Variants in MGA observed in about 807,000 individuals in gnomAD.
MGA encodes MAX gene-associated protein.
MGA carries 40 observed loss-of-function variants against 261.1 expected under a neutral mutation model. The ratio of observed to expected loss-of-function variants is 0.15; its 90% CI spans 0.12 to 0.20. The LOEUF (loss-of-function observed/expected upper bound fraction) is 0.20, where lower values mean the gene tolerates loss of function less well. Among genes scored for constraint, MGA ranks in the 10% least tolerant of loss-of-function variants. MGA has a pLI of 1.00. For missense variants in MGA, 3,397 were observed against 3,630.5 expected (o/e 0.94, Z 1.65); for synonymous variants, 1,302 against 1,290.6 (o/e 1.01, Z -0.19).
At chr15:41,670,731 C>T (rs981923140) in intron 2 of MGA, among the ~76,000 whole-genome samples, 3 of 151,884 alleles carry the variant, frequency 2.0e-5, no homozygotes, top group Non-Finnish European at 4.4e-5. Flanking sequence ...TGGTCTCGAT[C>T]TCCTGACCTC....
In MGA at chr15:41,696,878, G is replaced by A; in HGVS notation, c.1868G>A (p.Cys623Tyr). 6.3e-7 allele frequency: 1 copy of A among 1,597,606 alleles called. No individual in the cohort carries two copies. Among genetic ancestry groups the A allele is most frequent in the Non-Finnish European group, 8.5e-7 (1 of 1,171,726 alleles). ...GGAAGGCCACGAAAATTGAAACTCT[G>A]TAAGGCAGGACGACCACCTAAGAAC... The change falls in exon 3 of 24, where the codon TGT (cysteine) becomes TAT (tyrosine). Residue 623 changes from cysteine (C) to tyrosine (Y), a missense_variant. By Grantham distance (194) the Cys-to-Tyr change is radical. Around this residue, in one of 9 missense-constraint regions of MGA, gnomAD observed 563 missense variants for 563.6 expected, o/e 1.00. Coordinates refer to ENST00000219905, the MANE Select transcript of MGA (RefSeq NM_001164273.2).
At position 41,742,604 on chromosome 15, in the gene MGA, C is replaced by G. The variant is rs1409597798; in HGVS notation, c.4644C>G (p.Ala1548=). The change falls in exon 15 of 24, where the codon GCC becomes GCG. Residue 1548 remains alanine, a synonymous_variant. Transcript: ENST00000219905. ...AGTTTGTGATGAGTAAAGTTGGAGC[C>G]TTGCAGCAGAAGATACCTGGAGTTA... 3 of 1,613,912 alleles carry G rather than the reference C, an allele frequency of 1.9e-6. No individual in the cohort carries two copies. Among genetic ancestry groups the G allele is most frequent in the Non-Finnish European group, 1.7e-6 (2 of 1,179,876 alleles).
intron 14 of MGA, among the ~76,000 whole-genome samples, chr15:41,741,341 A>G (rs2062084402): frequency 1.3e-5 from 1 of 79,402 alleles, no homozygotes; most frequent in Non-Finnish European, 2.4e-5. Flanking sequence ...GTGAGACTCC[A>G]TCTCCAAAAA....
chr15:41,697,006 G>A lies in MGA; in HGVS notation c.1996G>A (p.Val666Ile). The A allele has an allele frequency of 6.4e-7, 1 of 1,560,294 alleles. No homozygotes were observed. The highest frequency in any genetic ancestry group is 8.7e-7 in the Non-Finnish European group (1 of 1,155,696). Residue 666 changes from valine (V) to isoleucine (I), a missense_variant, in exon 3 of 24, where the codon GTT becomes ATT. This residue lies in a region of MGA where 563 missense variants were observed against 563.6 expected (regional missense o/e 1.00). Transcript: ENST00000219905. ...GGAAGATGTGGATGGTGTTCTCTTTGTTTCCTTTGAATCAAAGGTAAGATT... is the reference window on the plus strand; with the variant it reads ...GGAAGATGTGGATGGTGTTCTCTTTATTTCCTTTGAATCAAAGGTAAGATT...
intron 1 of MGA, among the ~76,000 whole-genome samples, chr15:41,630,696 G>C (rs2056570045): frequency 6.6e-6 from 1 of 152,174 alleles, no homozygotes. Flanking sequence ...TTGGAGGCAG[G>C]CTATTATAAT....
chr15:41,627,536 C>G (rs1566920656), intron 1 of MGA, among the ~76,000 whole-genome samples: 1 of 152,176 alleles, frequency 6.6e-6, no homozygotes, highest in Admixed American at 6.5e-5. Context: ...ACCTTGATCA[C>G]TTGGCTGTCA....
intron 1 of MGA, among the ~76,000 whole-genome samples, chr15:41,624,403 G>A (rs1466808496): frequency 6.6e-6 from 1 of 151,364 alleles, no homozygotes; most frequent in African/African-American, 2.4e-5. Flanking sequence ...AGACTATGCC[G>A]CCGCCACCAC....
At chr15:41,679,024 A>G (rs1020278070) in intron 2 of MGA, among the ~76,000 whole-genome samples, 3 of 151,954 alleles carry the variant, frequency 2.0e-5, no homozygotes, top group African/African-American at 7.2e-5. Flanking sequence ...AAGCCCCTTG[A>G]GATTCCATTT....
chr15:41,744,925 C>T (rs979567514), intron 15 of MGA, among the ~76,000 whole-genome samples: 1 of 152,202 alleles, frequency 6.6e-6, no homozygotes, highest in African/African-American at 2.4e-5. Context: ...GTTGCCCAGG[C>T]TGGAGTGCAG....
chr15:41,756,754 CT>C (rs2063171420), intron 18 of MGA, among the ~76,000 whole-genome samples: 2 of 152,002 alleles, frequency 1.3e-5, no homozygotes, highest in African/African-American at 4.8e-5. Context: ...TTTATTTGTA[CT>C]TTTATTTTCG....
rs151110283 is a variant in MGA, at chr15:41,745,735, G to C, written c.5212+2563G>C. Among the ~76,000 whole-genome samples, 786 of 152,128 alleles carry C rather than the reference G, an allele frequency of 5.2e-3. 2 individuals are homozygous for C. Among genetic ancestry groups the C allele is most frequent in the Middle Eastern group, 0.01 (3 of 294 alleles). On this transcript the variant is annotated intron_variant, in intron 15 of 23. Transcript: ENST00000219905. Reference sequence around the variant, plus strand: ...TCCTCCCATTTCAGTCTCCCGAGTAGCTGGGATCATAGGCTTGTGCCACCA... The same window carrying C: ...TCCTCCCATTTCAGTCTCCCGAGTACCTGGGATCATAGGCTTGTGCCACCA...
At chr15:41,706,326 CTT>C (rs879582074) in intron 5 of MGA, among the ~76,000 whole-genome samples, 15 of 138,652 alleles carry the variant, frequency 1.1e-4, no homozygotes, top group Admixed American at 1.4e-4. Flanking sequence ...AAATAGCTGT[CTT>C]TTTTTTTTTT....
intron 9 of MGA, among the ~76,000 whole-genome samples, chr15:41,716,500 T>C (rs952413739): frequency 6.6e-6 from 1 of 151,832 alleles, no homozygotes; most frequent in Non-Finnish European, 1.5e-5. Flanking sequence ...TGTTAACAAC[T>C]GATATGTAAA....
chr15:41,642,507 C>G (rs1380208663), intron 1 of MGA, among the ~76,000 whole-genome samples: 2 of 151,482 alleles, frequency 1.3e-5, no homozygotes, highest in African/African-American at 4.9e-5. Flanking sequence ...TTATTTTAGA[C>G]AGAGTCTTCC....
At chr15:41,661,039 C>T (rs550790215) in intron 1 of MGA, among the ~76,000 whole-genome samples, 2 of 152,228 alleles carry the variant, frequency 1.3e-5, no homozygotes, top group Non-Finnish European at 2.9e-5. Context: ...GACACCTGTG[C>T]AAACGTCTTT....
intron 9 of MGA, among the ~76,000 whole-genome samples, chr15:41,721,196 G>C (rs1304502354): frequency 2.0e-5 from 3 of 152,088 alleles, no homozygotes; most frequent in Admixed American, 6.6e-5. Context: ...GGCTGGGCAC[G>C]GTGTCTCACG....
At chr15:41,633,574 C>T (rs1049947837) in intron 1 of MGA, among the ~76,000 whole-genome samples, 1 of 151,966 alleles carries the variant, frequency 6.6e-6, no homozygotes, top group African/African-American at 2.4e-5. Context: ...GAGATTGAGC[C>T]ACAATACTTG....
In MGA at chr15:41,752,137, A is replaced by G. The variant is rs1452977065; in HGVS notation, c.7008+1522A>G. On this transcript the variant is annotated intron_variant, in intron 17 of 23. Coordinates refer to ENST00000219905, the MANE Select transcript of MGA (RefSeq NM_001164273.2). ...AACCTCCACCTCTGGGGCTCAAGCA[A>G]TTCTCCTGCTTCAGCCTCCTGAGTA... The G allele has an allele frequency of 4.6e-5, 7 of 152,156 alleles. No individual in the cohort carries two copies. In the East Asian group the frequency reaches 1.2e-3, roughly 25 times the overall value. The allele number at this position is 152,156 out of a possible 1,614,324, so 9.4% of individuals were successfully genotyped here.
rs766417789 is a variant in MGA, at chr15:41,713,373, G to C, written c.3307G>C (p.Ala1103Pro). The change falls in exon 9 of 24, where the codon GCT becomes CCT. Residue 1103 changes from alanine (A) to proline (P), a missense_variant. Physicochemically the swap from Ala to Pro is conservative, Grantham distance 27. Transcript: ENST00000219905. ...CAAAACTAAGCATTTTCAGAGGAAG[G>C]CTGCTCATCGAGATCCAGTATTTTA... is the stretch of plus-strand genomic sequence containing the variant. The C allele has an allele frequency of 7.4e-6, 12 of 1,612,454 alleles. No individual in the cohort carries two copies. Among genetic ancestry groups the C allele is most frequent in the South Asian group, 1.1e-5 (1 of 90,896 alleles).
Sources: gnomAD v4.1 joint callset for allele counts (sites outside exome capture counted in the v4.1 genomes callset) on GRCh38, gnomAD v4.1.1 for gene constraint, gnomAD v4.1.1 regional missense constraint, MANE v1.5 for transcripts, NCBI Gene and HGNC (gene_info 2026-07-23, HGNC 2026-07-21) for gene names.